The following AARS2 variants were observed in gnomAD, a reference collection of about 807,000 sequenced individuals.
The protein encoded by AARS2 is alanine--tRNA ligase, mitochondrial.
In AARS2, 78 loss-of-function variants were observed where a neutral mutation model predicts 119.7. The observed-to-expected ratio is 0.65, with a 90% CI of 0.54 to 0.79. The LOEUF (loss-of-function observed/expected upper bound fraction) is 0.79. Among genes scored for constraint, AARS2 ranks in the 30% least tolerant of loss-of-function variants. AARS2 has a pLI of 0.00. For missense variants in AARS2, 1,157 were observed against 1,291.3 expected, an observed-to-expected ratio of 0.90 and a Z score of 1.59; for synonymous variants, 502 against 526.3, an observed-to-expected ratio of 0.95 and a Z score of 0.63.
chr6:44,304,685 TG>T lies in AARS2; in HGVS notation c.1711del (p.Gln571ArgfsTer20). 6.2e-7 allele frequency: 1 copy of T among 1,614,264 alleles called. No individual in the cohort carries two copies. ...CACCAGGTAGCCACGGTCTGAAGCC[TG>T]GCCCCCCTGTTCTGCGTAGAAGTTG... ...RTNFYAEQGG[Q>X]ASDRGYLVRA... On this transcript the variant is annotated frameshift_variant, in exon 12 of 22. Transcript: ENST00000244571. LOFTEE classifies it high-confidence loss of function.
chr6:44,303,381 C>T lies in AARS2; in HGVS notation c.2050G>A (p.Val684Met). ...TCATCCTGCCCCACGGCCTCCTGCA[C>T]AGTGTTCTCCACTGCCCGGAGCTGC... ...PEQLRAVENT[V>M]QEAVGQDEAV... The change falls in exon 15 of 22, where the codon GTG becomes ATG. Residue 684 changes from valine to methionine, a missense_variant. Val to Met is a conservative substitution (Grantham distance 21). Coordinates refer to ENST00000244571, the MANE Select transcript of AARS2 (RefSeq NM_020745.4). 6.2e-7 allele frequency: 1 copy of T among 1,613,974 alleles called. No homozygotes were observed. The highest frequency in any genetic ancestry group is 8.5e-7 in the Non-Finnish European group (1 of 1,180,000).
Position 44,305,614 on chromosome 6 carries a change from G to A in AARS2, c.1434+39C>T. 1.2e-6 allele frequency: 2 copies of A among 1,612,846 alleles called. No homozygotes were observed. The highest frequency in any genetic ancestry group is 1.7e-6 in the Non-Finnish European group (2 of 1,179,890). Reference sequence around the variant, plus strand: ...AGGAGCTCAGGGCTGGGGAAGAGGTGTCCTAACAGAACCCAGCATGGGGTG... The same window carrying A: ...AGGAGCTCAGGGCTGGGGAAGAGGTATCCTAACAGAACCCAGCATGGGGTG... On this transcript the variant is annotated intron_variant, in intron 10 of 21. Transcript: ENST00000244571. This position sits in a 1 kb window ranked among gnomAD's most constrained non-coding sequence, Gnocchi z 4.6.
rs970169654 is a variant in AARS2, at chr6:44,313,338, G to A, written c.-15C>T. 6.9e-6 allele frequency: 11 copies of A among 1,597,466 alleles called. No individual in the cohort carries two copies. Among genetic ancestry groups the A allele is most frequent in the African/African-American group, 1.3e-5 (1 of 74,830 alleles). ...GACGCTGCCATCGTAGCTCCGGGCA[G>A]TGACTTTACGTGGTCAAAGAGTGAC... On this transcript the variant is annotated 5_prime_UTR_variant, in exon 1 of 22. Coordinates refer to ENST00000244571, the MANE Select transcript of AARS2 (RefSeq NM_020745.4).
intron 2 of AARS2, among the ~76,000 whole-genome samples, 180 bp downstream of exon 2, chr6:44,311,892 C>T (rs571692253): frequency 2.5e-4 from 38 of 152,346 alleles, no homozygotes; most frequent in African/African-American, 8.7e-4. Context: ...GCAGAAAGTA[C>T]AGTCTCTGCC....
rs1785714366 is a variant in AARS2, at chr6:44,305,016, GC to G, written c.1579+37del. 15 of 1,614,088 alleles carry G rather than the reference GC, an allele frequency of 9.3e-6. No individual in the cohort carries two copies. The highest frequency in any genetic ancestry group is 1.3e-5 in the Non-Finnish European group (15 of 1,179,980). On this transcript the variant is annotated intron_variant, in intron 11 of 21. Coordinates refer to ENST00000244571, the MANE Select transcript of AARS2 (RefSeq NM_020745.4). The surrounding 1 kb of genome is among the most constrained non-coding windows in gnomAD (Gnocchi z 4.6). ...GGACATTCTTCTTAGTCATGGTCAGGCAAGCTTGTGGCGGCAGGCCTTGGTC... is the reference window on the plus strand; with the variant it reads ...GGACATTCTTCTTAGTCATGGTCAGGAAGCTTGTGGCGGCAGGCCTTGGTC...
chr6:44,309,578 A>G (rs996772936), intron 5 of AARS2, among the ~76,000 whole-genome samples: 4 of 152,154 alleles, frequency 2.6e-5, no homozygotes, highest in African/African-American at 7.2e-5. Context: ...TATAAGCTAC[A>G]CACATGTGGA....
intron 1 of AARS2, 58 bp downstream of exon 1, chr6:44,313,023 T>A: frequency 6.2e-7 from 1 of 1,606,868 alleles, no homozygotes; most frequent in South Asian, 1.1e-5. Flanking sequence ...TCCTGCAGCG[T>A]CTTTCTCACC....
Position 44,301,274 on chromosome 6 carries a change from A to G in AARS2, c.2683-8T>C. 6.2e-7 allele frequency: 1 copy of G among 1,613,942 alleles called. No individual in the cohort carries two copies. The highest frequency in any genetic ancestry group is 8.5e-7 in the Non-Finnish European group (1 of 1,179,968). On this transcript the variant is annotated splice_region_variant and splice_polypyrimidine_tract_variant and intron_variant, in intron 20 of 21. Transcript: ENST00000244571. ...TACCACCTTCACCAGCACCTGGACC[A>G]CGAAAGACAGATGGTGAGCCCATCG...
At chr6:44,311,602 C>A in intron 2 of AARS2, 67 bp from the exon 3 acceptor site, 3 of 1,576,700 alleles carry the variant, frequency 1.9e-6, no homozygotes, top group Admixed American at 1.7e-5. Context: ...CTGAAGTAAT[C>A]AAGCCACATG....
In AARS2 at chr6:44,303,059, G is replaced by A. The variant is rs1057524079; in HGVS notation, c.2255+7C>T. 39 of 1,613,794 alleles carry A rather than the reference G, an allele frequency of 2.4e-5. No individual in the cohort carries two copies. The highest frequency in any genetic ancestry group is 3.1e-5 in the Non-Finnish European group (37 of 1,179,968). ...CCTGGGCCAGGCAGCACAAAGGAGT[G>A]ACTCACGTCCCACAGCATAGCTCCA... On this transcript the variant is annotated splice_region_variant and intron_variant, in intron 16 of 21. Coordinates refer to ENST00000244571, the MANE Select transcript of AARS2 (RefSeq NM_020745.4).
At chr6:44,300,909 GC>G in intron 21 of AARS2, 198 bp from the exon 22 acceptor site, 1 of 753,372 alleles carries the variant, frequency 1.3e-6, no homozygotes, top group South Asian at 1.7e-5. Flanking sequence ...GTGAACATCT[GC>G]TACTTGTTTA....
rs1785245624 is a variant in AARS2 at position 44,300,229 on chromosome 6, TCGGCCTC to T, written c.*311_*317del. Reference sequence around the variant, plus strand: ...CTCCTGACCTCATGATCTACCTGCCTCGGCCTCCCAAAGTGCTTGGATTACAGGTGTG... The same window carrying T: ...CTCCTGACCTCATGATCTACCTGCCTCCAAAGTGCTTGGATTACAGGTGTG... On this transcript the variant is annotated 3_prime_UTR_variant, in exon 22 of 22. Coordinates refer to ENST00000244571, the MANE Select transcript of AARS2 (RefSeq NM_020745.4). 2 of 402,886 alleles carry T rather than the reference TCGGCCTC, an allele frequency of 5.0e-6. No homozygotes were observed. The highest frequency in any genetic ancestry group is 4.1e-5 in the African/African-American group (2 of 49,286). The allele number at this position is 402,886 out of a possible 1,614,324, so 25.0% of individuals were successfully genotyped here.
chr6:44,303,553 G>C (rs1255562670), intron 14 of AARS2, 130 bp from the exon 15 acceptor site: 2 of 1,375,246 alleles, frequency 1.5e-6, no homozygotes, highest in African/African-American at 2.8e-5. Context: ...GCACATAATA[G>C]GTGCTCAATA....
Position 44,300,414 on chromosome 6 carries a change from G to T in AARS2, c.*133C>A. 1 of 1,330,640 alleles carries T rather than the reference G, an allele frequency of 7.5e-7. No individual in the cohort carries two copies. The highest frequency in any genetic ancestry group is 1.1e-6 in the Non-Finnish European group (1 of 934,942). The allele number at this position is 1,330,640 out of a possible 1,614,324, so 82.4% of individuals were successfully genotyped here. On this transcript the variant is annotated 3_prime_UTR_variant, in exon 22 of 22. Coordinates refer to ENST00000244571, the MANE Select transcript of AARS2 (RefSeq NM_020745.4). ...CTTGTGTCACGTAGGCCCTGGCCCA[G>T]GTGATCTTCTTTGGCTCAGCTGCTT...
rs1785914836 is a variant in AARS2 at position 44,307,006 on chromosome 6, G to A, written c.1066C>T (p.Arg356Ter). 2.5e-6 allele frequency: 4 copies of A among 1,614,048 alleles called. No individual in the cohort carries two copies. Among genetic ancestry groups the A allele is most frequent in the East Asian group, 2.2e-5 (1 of 44,874 alleles). The change falls in exon 7 of 22, where the codon CGA becomes TGA. Residue 356 changes from arginine (R) to a stop codon, truncating the protein, a stop_gained. Transcript: ENST00000244571. LOFTEE classifies it high-confidence loss of function. The surrounding 1 kb of genome is among the most constrained non-coding windows in gnomAD (Gnocchi z 4.4). ...PPLVLRRILR[R>*]AVRFSMEILK... ...ATCTCCATGGAGAAACGCACAGCTC[G>A]ACGCAGGATCCGACGAAGAACCAGC...
chr6:44,307,508 C>G lies in AARS2; in HGVS notation c.895-114G>C, dbSNP rs1583057094. 78 of 1,370,568 alleles carry G rather than the reference C, an allele frequency of 5.7e-5. No individual in the cohort carries two copies. The East Asian group carries it at 1.9e-3, about 34-fold the overall frequency. 84.9% of individuals were successfully genotyped at this position (1,370,568 alleles called of 1,614,324 possible). ...CTAAAGCCAACCACATCCAGAATGG[C>G]CTTGCCAGTCCAGTCCTGGGCTGAG... On this transcript the variant is annotated intron_variant, in intron 5 of 21. Coordinates refer to ENST00000244571, the MANE Select transcript of AARS2 (RefSeq NM_020745.4). This position sits in a 1 kb window ranked among gnomAD's most constrained non-coding sequence, Gnocchi z 4.4.
At chr6:44,303,733 T>A (rs950822474) in intron 14 of AARS2, among the ~76,000 whole-genome samples, 19 of 151,870 alleles carry the variant, frequency 1.3e-4, no homozygotes, top group Non-Finnish European at 2.5e-4. Context: ...AACTACAGGA[T>A]GGGGGGATGC....
In AARS2 at chr6:44,307,406, A is replaced by G; in HGVS notation, c.895-12T>C. ...GGTGCCCTGCAGCCCTGGGAAGCAG[A>G]AGAGTCAGCCAGTGGCCCTGCCTGA... On this transcript the variant is annotated splice_polypyrimidine_tract_variant and intron_variant, in intron 5 of 21. Coordinates refer to ENST00000244571, the MANE Select transcript of AARS2 (RefSeq NM_020745.4). The surrounding 1 kb of genome is among the most constrained non-coding windows in gnomAD (Gnocchi z 4.4). 1 of 1,595,016 alleles carries G rather than the reference A, an allele frequency of 6.3e-7. No homozygotes were observed. Among genetic ancestry groups the G allele is most frequent in the Non-Finnish European group, 8.5e-7 (1 of 1,172,592 alleles).
At position 44,301,482 on chromosome 6, in the gene AARS2, C is replaced by CA; in HGVS notation, c.2599-19dup. On this transcript the variant is annotated intron_variant, in intron 19 of 21. Transcript: ENST00000244571. ...TTTGCAGCCTATGGGGCAGGAAGGACAAGCAGAGGGGTCAGGCTGAGAGGC... is the reference window on the plus strand; with the variant it reads ...TTTGCAGCCTATGGGGCAGGAAGGACAAAGCAGAGGGGTCAGGCTGAGAGGC... 6.2e-7 allele frequency: 1 copy of CA among 1,606,508 alleles called. No individual in the cohort carries two copies.
Sources: allele counts gnomAD v4.1 joint callset (sites outside exome capture counted in the v4.1 genomes callset), GRCh38; gene constraint gnomAD v4.1.1; non-coding constraint Gnocchi (gnomAD v3.1); transcripts MANE v1.5; gene names NCBI Gene and HGNC (gene_info 2026-07-23, HGNC 2026-07-21).